The following SGMS1 variants were observed in gnomAD, a reference collection of about 807,000 sequenced individuals.
SGMS1 encodes the protein phosphatidylcholine:ceramide cholinephosphotransferase 1.
SGMS1 carries 13 observed loss-of-function variants against 46.2 expected under a neutral mutation model. The observed-to-expected ratio is 0.28, with a 90% CI of 0.18 to 0.45. The LOEUF (loss-of-function observed/expected upper bound fraction) is 0.45. SGMS1 is among the 20% of genes least tolerant of loss of function. The probability of loss-of-function intolerance (pLI) is 1.00; values close to 1 mark genes in which losing one functional copy is unlikely to be tolerated. For missense variants in SGMS1, 324 were observed against 519.9 expected (o/e 0.62, Z 3.66); for synonymous variants, 203 against 187.8 (o/e 1.08, Z -0.66).
chr10:50,343,748 G>C lies in SGMS1; in HGVS notation c.367C>G (p.Leu123Val), dbSNP rs1423259190. 1 of 1,614,176 alleles carries C rather than the reference G, an allele frequency of 6.2e-7. No individual in the cohort carries two copies. The highest frequency in any genetic ancestry group is 8.5e-7 in the Non-Finnish European group (1 of 1,180,032). Reference protein sequence around the residue: ...KEMIKIPMPELERSQYPMEWG... With the variant: ...KEMIKIPMPEVERSQYPMEWG... Reference sequence around the variant, plus strand: ...TCCATGGGGTACTGAGAGCGCTCCAGTTCTGGCATGGGGATCTTTATCATC... The same window carrying C: ...TCCATGGGGTACTGAGAGCGCTCCACTTCTGGCATGGGGATCTTTATCATC... Residue 123 changes from leucine to valine, a missense_variant, in exon 7 of 11, where the codon CTG (leucine) becomes GTG (valine). Around this residue, in one of 2 missense-constraint regions of SGMS1, gnomAD observed 150 missense variants for 169.8 expected, o/e 0.88. Coordinates refer to ENST00000361781, the MANE Select transcript of SGMS1 (RefSeq NM_147156.4).
chr10:50,326,868 G>A (rs2133313228), intron 8 of SGMS1, among the ~76,000 whole-genome samples: 1 of 152,264 alleles, frequency 6.6e-6, no homozygotes, highest in East Asian at 1.9e-4. Flanking sequence ...AATGTCACTT[G>A]AAATCGAGCT....
intron 3 of SGMS1, among the ~76,000 whole-genome samples, chr10:50,512,173 T>C (rs902760462): frequency 6.6e-6 from 1 of 152,046 alleles, no homozygotes; most frequent in African/African-American, 2.4e-5. Flanking sequence ...TAGCTGAATA[T>C]GGCAACAGGG....
At chr10:50,449,516 T>C (rs1837072959) in intron 5 of SGMS1, among the ~76,000 whole-genome samples, 1 of 152,180 alleles carries the variant, frequency 6.6e-6, no homozygotes, top group Non-Finnish European at 1.5e-5. Context: ...AACCCTGAAC[T>C]ACTCTTTCCT....
chr10:50,454,824 G>A (rs564664079), intron 5 of SGMS1, among the ~76,000 whole-genome samples: 6 of 152,184 alleles, frequency 3.9e-5, no homozygotes, highest in African/African-American at 1.4e-4. Flanking sequence ...ATGAGAGCTG[G>A]TGAATATAAA....
At chr10:50,332,406 CTTCT>C (rs1332313975) in intron 7 of SGMS1, among the ~76,000 whole-genome samples, 1 of 152,068 alleles carries the variant, frequency 6.6e-6, no homozygotes, top group Non-Finnish European at 1.5e-5. Flanking sequence ...CTATCCTATC[CTTCT>C]ATTTTAATTT....
chr10:50,587,643 G>A (rs937712302), intron 2 of SGMS1, among the ~76,000 whole-genome samples: 2 of 149,772 alleles, frequency 1.3e-5, no homozygotes, highest in Admixed American at 6.6e-5. Flanking sequence ...ATGTGTGTGT[G>A]TGTGTGTGTG....
At chr10:50,419,648 T>C (rs923009152) in intron 6 of SGMS1, among the ~76,000 whole-genome samples, 1 of 152,204 alleles carries the variant, frequency 6.6e-6, no homozygotes, top group Non-Finnish European at 1.5e-5. Flanking sequence ...TATTTGGGAA[T>C]TGGCAAATTA....
chr10:50,524,590 C>A (rs1837884601), intron 2 of SGMS1, among the ~76,000 whole-genome samples: 1 of 152,132 alleles, frequency 6.6e-6, no homozygotes, highest in African/African-American at 2.4e-5. Flanking sequence ...TGGATGGGCA[C>A]TTAACATGTA....
At chr10:50,574,496 G>A (rs1838362938) in intron 2 of SGMS1, among the ~76,000 whole-genome samples, 1 of 152,146 alleles carries the variant, frequency 6.6e-6, no homozygotes, top group Non-Finnish European at 1.5e-5. Flanking sequence ...AAGATAACAA[G>A]TGCTAGTAAG....
intron 3 of SGMS1, among the ~76,000 whole-genome samples, chr10:50,469,086 A>G (rs1005355668): frequency 1.3e-5 from 2 of 152,226 alleles, no homozygotes; most frequent in Admixed American, 6.5e-5. Flanking sequence ...AAATTTGTCC[A>G]AGGTCAAACT....
At chr10:50,464,360 A>G (rs1837303680) in intron 4 of SGMS1, among the ~76,000 whole-genome samples, 1 of 152,224 alleles carries the variant, frequency 6.6e-6, no homozygotes, top group South Asian at 2.1e-4. Flanking sequence ...AAATGCAGCC[A>G]GCAGCTAGAA....
At chr10:50,508,935 C>T (rs936105802) in intron 3 of SGMS1, among the ~76,000 whole-genome samples, 3 of 152,202 alleles carry the variant, frequency 2.0e-5, no homozygotes, top group African/African-American at 7.2e-5. Flanking sequence ...ATGGTAATTT[C>T]CTTAAAAACA....
chr10:50,532,236 T>C (rs1202398479), intron 2 of SGMS1, among the ~76,000 whole-genome samples: 1 of 88,334 alleles, frequency 1.1e-5, no homozygotes, highest in East Asian at 2.7e-4. Flanking sequence ...TGTGTGTGTG[T>C]GTGTGTGTGT....
chr10:50,455,741 T>C (rs1169733894), intron 5 of SGMS1, among the ~76,000 whole-genome samples: 5 of 152,232 alleles, frequency 3.3e-5, no homozygotes, highest in African/African-American at 1.2e-4. Flanking sequence ...ACAGACTGTC[T>C]GGCTGAATTT....
chr10:50,623,625 A>G, intron 1 of SGMS1, 82 bp downstream of exon 1: 3 of 985,246 alleles, frequency 3.0e-6, no homozygotes, highest in Non-Finnish European at 3.6e-6. Flanking sequence ...GCTCCCCGGC[A>G]TAAGGCCGGG....
chr10:50,366,842 T>C (rs1459266209), intron 6 of SGMS1, among the ~76,000 whole-genome samples: 4 of 151,692 alleles, frequency 2.6e-5, no homozygotes, highest in African/African-American at 9.7e-5. Flanking sequence ...AGGAGAAATA[T>C]CTAATGTAGG....
intron 2 of SGMS1, among the ~76,000 whole-genome samples, chr10:50,545,359 T>C (rs1044693724): frequency 1.4e-4 from 21 of 152,314 alleles, no homozygotes; most frequent in African/African-American, 4.3e-4. Context: ...AGTAGTCGAC[T>C]CATGGGTTGG....
At chr10:50,541,733 T>A (rs1055344092) in intron 2 of SGMS1, among the ~76,000 whole-genome samples, 2 of 151,994 alleles carry the variant, frequency 1.3e-5, no homozygotes, top group African/African-American at 4.8e-5. Flanking sequence ...GGAAAAGGGG[T>A]TGTTTTGAGT....
At chr10:50,356,008 G>A (rs982452217) in intron 6 of SGMS1, among the ~76,000 whole-genome samples, 18 of 152,198 alleles carry the variant, frequency 1.2e-4, no homozygotes, top group African/African-American at 3.9e-4. Context: ...CAGCTGCCCC[G>A]TCTGGGAAGT....
Sources: gnomAD v4.1 joint callset for allele counts (sites outside exome capture counted in the v4.1 genomes callset) on GRCh38, gnomAD v4.1.1 for gene constraint, gnomAD v4.1.1 regional missense constraint, MANE v1.5 for transcripts, NCBI Gene and HGNC (gene_info 2026-07-23, HGNC 2026-07-21) for gene names.